AUTS2: variants seen among roughly 807,000 people sequenced by gnomAD.
The protein encoded by AUTS2 is activator of transcription and developmental regulator AUTS2, also known as autism susceptibility gene 2 protein.
A neutral mutation model predicts 112.4 loss-of-function variants in AUTS2; 17 were observed. The ratio of observed to expected loss-of-function variants is 0.15; its 90% CI spans 0.10 to 0.23. AUTS2 has a LOEUF of 0.23. Ranked by LOEUF, AUTS2 falls within the 10% of genes least tolerant of loss-of-function variation. The pLI, the probability that AUTS2 is intolerant of heterozygous loss-of-function variation, is 1.00. For missense variants in AUTS2, 1,510 were observed against 1,701.6 expected, an observed-to-expected ratio of 0.89 and a Z score of 1.98; for synonymous variants, 751 against 702.7, an observed-to-expected ratio of 1.07 and a Z score of -1.09.
intron 1 of AUTS2, among the ~76,000 whole-genome samples, chr7:69,898,660 A>G (rs970973823): frequency 6.6e-6 from 1 of 152,124 alleles, no homozygotes; most frequent in African/African-American, 2.4e-5. Context: ...CTCATCCCCA[A>G]CCACACACAG....
At chr7:70,638,454 T>C (rs1429471791) in intron 5 of AUTS2, among the ~76,000 whole-genome samples, 1 of 152,134 alleles carries the variant, frequency 6.6e-6, no homozygotes. Flanking sequence ...GGGCCAAACT[T>C]TGCCTCATCA....
chr7:70,439,626 T>C (rs1796044401), intron 5 of AUTS2, among the ~76,000 whole-genome samples: 1 of 151,988 alleles, frequency 6.6e-6, no homozygotes, highest in Admixed American at 6.6e-5. Context: ...GGGATTGTTC[T>C]TCACTGTAGT....
intron 4 of AUTS2, among the ~76,000 whole-genome samples, chr7:70,409,548 C>T (rs1236797929): frequency 6.6e-6 from 1 of 152,004 alleles, no homozygotes; most frequent in East Asian, 1.9e-4. Flanking sequence ...CTTCCATGAG[C>T]GATGTAGGGT....
intron 4 of AUTS2, among the ~76,000 whole-genome samples, chr7:70,273,156 C>T (rs531818128): frequency 5.3e-5 from 8 of 152,186 alleles, no homozygotes; most frequent in Admixed American, 3.9e-4. Flanking sequence ...TCAAACAATC[C>T]TCCCACCTCA....
intron 1 of AUTS2, among the ~76,000 whole-genome samples, chr7:69,725,758 T>C (rs554908435): frequency 6.6e-6 from 1 of 152,260 alleles, no homozygotes; most frequent in South Asian, 2.1e-4. Flanking sequence ...TTCCTAGCTG[T>C]CCCATATTTC....
chr7:70,424,010 G>A (rs991177508), intron 4 of AUTS2, among the ~76,000 whole-genome samples: 1 of 152,190 alleles, frequency 6.6e-6, no homozygotes, highest in African/African-American at 2.4e-5. Context: ...CTATTGGTAT[G>A]TCTTTCTGGC....
intron 4 of AUTS2, among the ~76,000 whole-genome samples, chr7:70,148,765 C>A (rs914065968): frequency 4.6e-5 from 7 of 151,990 alleles, no homozygotes; most frequent in Admixed American, 1.3e-4. Flanking sequence ...ACAGACTTTA[C>A]ATGGCTGTGG....
At chr7:70,781,488 T>A (rs1791076280) in intron 14 of AUTS2, 127 bp from the exon 15 acceptor site, 1 of 1,173,910 alleles carries the variant, frequency 8.5e-7, no homozygotes, top group Non-Finnish European at 1.2e-6. Context: ...TGTAGCTGCT[T>A]TCTCTCACAG....
intron 1 of AUTS2, among the ~76,000 whole-genome samples, chr7:69,659,674 G>C (rs1049933064): frequency 2.2e-5 from 3 of 139,496 alleles, no homozygotes; most frequent in Non-Finnish European, 4.5e-5. Context: ...TTAGCAGCCA[G>C]AGCCAAGTTT....
At chr7:69,628,030 T>C (rs1794039998) in intron 1 of AUTS2, among the ~76,000 whole-genome samples, 1 of 152,248 alleles carries the variant, frequency 6.6e-6, no homozygotes, top group African/African-American at 2.4e-5. Context: ...TTTCTTGTAT[T>C]GTCCCATGTA....
intron 5 of AUTS2, among the ~76,000 whole-genome samples, chr7:70,449,644 A>G (rs1457805552): frequency 6.6e-6 from 1 of 152,186 alleles, no homozygotes; most frequent in Non-Finnish European, 1.5e-5. Context: ...GGGTCATCCA[A>G]AGTTGACACT....
At chr7:70,309,204 T>C (rs2129614959) in intron 4 of AUTS2, among the ~76,000 whole-genome samples, 1 of 152,336 alleles carries the variant, frequency 6.6e-6, no homozygotes, top group Admixed American at 6.5e-5. Context: ...TTATTTATTG[T>C]CTTATAACAT....
chr7:69,702,287 G>A (rs1435132314), intron 1 of AUTS2, among the ~76,000 whole-genome samples: 1 of 152,130 alleles, frequency 6.6e-6, no homozygotes, highest in African/African-American at 2.4e-5. Flanking sequence ...TATCTTCCTG[G>A]GAAACACAAA....
chr7:69,746,719 C>T (rs1787511780), intron 1 of AUTS2, among the ~76,000 whole-genome samples: 1 of 151,978 alleles, frequency 6.6e-6, no homozygotes, highest in South Asian at 2.1e-4. Flanking sequence ...GGAGAGGTGT[C>T]ACAGGTCATA....
intron 4 of AUTS2, among the ~76,000 whole-genome samples, chr7:70,178,326 C>T (rs1367064590): frequency 6.6e-6 from 1 of 151,738 alleles, no homozygotes; most frequent in African/African-American, 2.4e-5. Flanking sequence ...CAGTGAAATA[C>T]GTCTTTAAAC....
chr7:70,663,211 A>G (rs987030126), intron 5 of AUTS2, among the ~76,000 whole-genome samples: 1 of 152,142 alleles, frequency 6.6e-6, no homozygotes, highest in African/African-American at 2.4e-5. Flanking sequence ...CCTGGCCAAC[A>G]TGATGAAACC....
chr7:69,989,870 G>A (rs577883213), intron 2 of AUTS2, among the ~76,000 whole-genome samples: 1 of 152,222 alleles, frequency 6.6e-6, no homozygotes, highest in South Asian at 2.1e-4. Flanking sequence ...ACTCTCATAG[G>A]AGTGCTAACT....
chr7:69,644,096 A>G (rs1794916339), intron 1 of AUTS2, among the ~76,000 whole-genome samples: 1 of 152,188 alleles, frequency 6.6e-6, no homozygotes, highest in Non-Finnish European at 1.5e-5. Flanking sequence ...ACTGTGAGAA[A>G]ATCAGGTTCG....
intron 1 of AUTS2, among the ~76,000 whole-genome samples, chr7:69,746,685 G>A (rs112950913): frequency 6.6e-6 from 1 of 152,074 alleles, no homozygotes; most frequent in African/African-American, 2.4e-5. Context: ...GTAGAAATAG[G>A]GCAGAGGAGG....
Sources: gnomAD v4.1 joint callset for allele counts (sites outside exome capture counted in the v4.1 genomes callset) on GRCh38, gnomAD v4.1.1 for gene constraint, MANE v1.5 for transcripts, NCBI Gene and HGNC (gene_info 2026-07-23, HGNC 2026-07-21) for gene names.